The following PRIMPOL variants were observed in gnomAD, a reference collection of about 807,000 sequenced individuals.
PRIMPOL encodes the protein primase and DNA directed polymerase.
Under a neutral mutation model 63.6 loss-of-function variants are expected in PRIMPOL, and 54 were observed. That is an observed-to-expected ratio of 0.85 (90% CI 0.68 to 1.07). The LOEUF is 1.07. Among genes scored for constraint, PRIMPOL ranks in the 50% least tolerant of loss-of-function variants. The pLI is 0.00. For synonymous variants in PRIMPOL, 197 were observed against 220.2 expected (o/e 0.89, Z 0.93); for missense variants, 610 against 648.3 (o/e 0.94, Z 0.64).
At chr4:184,654,575 T>C (rs925598988) in intron 2 of PRIMPOL, among the ~76,000 whole-genome samples, 23 of 151,330 alleles carry the variant, frequency 1.5e-4, no homozygotes, top group Middle Eastern at 3.4e-3. Context: ...CTCAGCCTCC[T>C]GAGTAGCTGG....
intron 11 of PRIMPOL, among the ~76,000 whole-genome samples, chr4:184,689,819 A>T (rs1758025809): frequency 6.6e-6 from 1 of 152,190 alleles, no homozygotes; most frequent in Non-Finnish European, 1.5e-5. Context: ...ATGGAGCATG[A>T]ATGAAAGGAA....
rs886913903 is a variant in PRIMPOL, at chr4:184,691,246, T to G, written c.1296-253T>G. 3 of 366,324 alleles carry G rather than the reference T, an allele frequency of 8.2e-6. No homozygotes were observed. The East Asian group carries it at 1.3e-4, about 16-fold the overall frequency. 22.7% of individuals were successfully genotyped at this position (366,324 alleles called of 1,614,324 possible). ...CATATTTTGCAGCTGTATTATTTGG[T>G]GAGTACAGGTTGAGAATTGTTACAT... On this transcript the variant is annotated intron_variant, in intron 11 of 13. Coordinates refer to ENST00000314970, the MANE Select transcript of PRIMPOL (RefSeq NM_152683.4).
intron 9 of PRIMPOL, among the ~76,000 whole-genome samples, chr4:184,684,956 A>G (rs1172712897): frequency 6.6e-6 from 1 of 152,132 alleles, no homozygotes; most frequent in Non-Finnish European, 1.5e-5. Context: ...GTGTTGGGAC[A>G]TGATTACAGA....
chr4:184,663,408 G>A (rs2150059374), intron 5 of PRIMPOL, among the ~76,000 whole-genome samples: 1 of 152,258 alleles, frequency 6.6e-6, no homozygotes. Context: ...AAGATTTCTT[G>A]TGTAGTTTCT....
intron 9 of PRIMPOL, among the ~76,000 whole-genome samples, chr4:184,684,925 G>T (rs1756626024): frequency 6.6e-6 from 1 of 152,114 alleles, no homozygotes; most frequent in Non-Finnish European, 1.5e-5. Flanking sequence ...TTGTGGTTTG[G>T]AAGATGTTCC....
intron 9 of PRIMPOL, among the ~76,000 whole-genome samples, chr4:184,684,458 GA>G (rs903723659): frequency 3.9e-4 from 55 of 142,274 alleles, no homozygotes; most frequent in South Asian, 1.1e-3. Context: ...TCTGTCTCAA[GA>G]AAAAAAAAAA....
intron 1 of PRIMPOL, among the ~76,000 whole-genome samples, 153 bp downstream of exon 1, chr4:184,650,061 C>T (rs1172010145): frequency 6.6e-6 from 1 of 152,224 alleles, no homozygotes; most frequent in Non-Finnish European, 1.5e-5. Context: ...CCATGTCAGG[C>T]TGCTGTGGAC....
At chr4:184,684,586 A>C (rs1756529923) in intron 9 of PRIMPOL, among the ~76,000 whole-genome samples, 1 of 152,134 alleles carries the variant, frequency 6.6e-6, no homozygotes, top group Admixed American at 6.5e-5. Context: ...CACCTGTAGC[A>C]GGTCAGCTGA....
intron 13 of PRIMPOL, chr4:184,694,217 G>A: frequency 1.8e-6 from 2 of 1,088,058 alleles, no homozygotes; most frequent in South Asian, 7.8e-5. Flanking sequence ...CAGCTGGACT[G>A]TCCACTTGTT....
intron 11 of PRIMPOL, among the ~76,000 whole-genome samples, chr4:184,689,445 G>A (rs1757871057): frequency 8.7e-6 from 1 of 114,620 alleles, no homozygotes. Context: ...TGTTAATGGT[G>A]CTTTTTTTTT....
chr4:184,656,844 G>GATTTAATCA (rs1171740714), intron 2 of PRIMPOL, among the ~76,000 whole-genome samples: 3 of 152,164 alleles, frequency 2.0e-5, no homozygotes, highest in African/African-American at 4.8e-5. Context: ...CCATTTTTCA[G>GATTTAATCA]TTGATTAAAC....
At position 184,693,905 on chromosome 4, in the gene PRIMPOL, G is replaced by A. The variant is rs140240688; in HGVS notation, c.1426-617G>A. 4.7e-4 allele frequency among the ~76,000 whole-genome samples: 72 copies of A among 152,260 alleles called. No homozygotes were observed. In the East Asian group the frequency reaches 0.012, roughly 24 times the overall value. On this transcript the variant is annotated intron_variant, in intron 13 of 13. Coordinates refer to ENST00000314970, the MANE Select transcript of PRIMPOL (RefSeq NM_152683.4). ...GCTGGTCTCAAACTCCTGGCCTCAA[G>A]CAGTCCTCCCGTCTCAGCCTCCCCA...
chr4:184,659,889 C>T (rs570693225), intron 4 of PRIMPOL, among the ~76,000 whole-genome samples: 15 of 152,236 alleles, frequency 9.9e-5, no homozygotes, highest in Admixed American at 2.0e-4. Flanking sequence ...GCCATGGTCT[C>T]GGCTCACTGC....
rs28599577 is a variant in PRIMPOL, at chr4:184,653,330, C to T, written c.-60+1230C>T. Among the ~76,000 whole-genome samples, 740 of 152,290 alleles carry T rather than the reference C, an allele frequency of 4.9e-3. 9 individuals carry two copies. Among genetic ancestry groups the T allele is most frequent in the African/African-American group, 0.017 (720 of 41,554 alleles). On this transcript the variant is annotated intron_variant, in intron 2 of 13. Coordinates refer to ENST00000314970, the MANE Select transcript of PRIMPOL (RefSeq NM_152683.4). ...CTACTTAGGTCTGCGTCATCTCTCC[C>T]CTTCCATCCCTGCTGCCTCTTCTCC...
chr4:184,670,195 G>A (rs1429938528), intron 6 of PRIMPOL, among the ~76,000 whole-genome samples: 6 of 152,172 alleles, frequency 3.9e-5, no homozygotes, highest in African/African-American at 1.4e-4. Context: ...CATCAGTCAT[G>A]GTCCTGGCCA....
At chr4:184,674,967 A>G (rs1752896138) in intron 7 of PRIMPOL, among the ~76,000 whole-genome samples, 1 of 152,168 alleles carries the variant, frequency 6.6e-6, no homozygotes, top group African/African-American at 2.4e-5. Flanking sequence ...CACGAGTGGC[A>G]CTTCATATGG....
intron 3 of PRIMPOL, among the ~76,000 whole-genome samples, chr4:184,658,192 G>C (rs1222878622): frequency 6.6e-6 from 1 of 151,836 alleles, no homozygotes; most frequent in African/African-American, 2.4e-5. Flanking sequence ...AAATCTCCAA[G>C]TGCTGGAAGT....
At chr4:184,667,794 A>G (rs1474819255) in intron 6 of PRIMPOL, among the ~76,000 whole-genome samples, 2 of 152,076 alleles carry the variant, frequency 1.3e-5, no homozygotes, top group African/African-American at 2.4e-5. Flanking sequence ...TCCCCCTTAT[A>G]AGGTTATACC....
At chr4:184,654,955 C>T (rs1243957499) in intron 2 of PRIMPOL, among the ~76,000 whole-genome samples, 3 of 151,902 alleles carry the variant, frequency 2.0e-5, no homozygotes, top group East Asian at 1.9e-4. Flanking sequence ...TTGAAATCTG[C>T]GGATAATATG....
Sources: allele counts gnomAD v4.1 joint callset (sites outside exome capture counted in the v4.1 genomes callset), GRCh38; gene constraint gnomAD v4.1.1; transcripts MANE v1.5; gene names NCBI Gene and HGNC (gene_info 2026-07-23, HGNC 2026-07-21).